Variants in FAM3D observed in about 807,000 individuals in gnomAD.
FAM3D encodes protein FAM3D.
FAM3D carries 26 observed loss-of-function variants against 29.8 expected under a neutral mutation model. That is an observed-to-expected ratio of 0.87 (90% confidence interval 0.64 to 1.21). The LOEUF (loss-of-function observed/expected upper bound fraction) is 1.21. Ranked by LOEUF, FAM3D falls within the 50% of genes most tolerant of loss-of-function variation. The probability of loss-of-function intolerance (pLI) is 0.00; values close to 1 mark genes in which losing one functional copy is unlikely to be tolerated. For missense variants in FAM3D, 253 were observed against 290.9 expected (o/e 0.87, Z 0.95); for synonymous variants, 115 against 102.3 (o/e 1.12, Z -0.75).
intron 7 of FAM3D, among the ~76,000 whole-genome samples, chr3:58,637,954 C>T (rs1428971973): frequency 2.0e-5 from 3 of 151,916 alleles, no homozygotes; most frequent in East Asian, 1.9e-4. Context: ...GCGCGATCTG[C>T]GCTCATTGCA....
chr3:58,659,717 A>C (rs1186598656), intron 1 of FAM3D, among the ~76,000 whole-genome samples: 1 of 152,238 alleles, frequency 6.6e-6, no homozygotes, highest in Non-Finnish European at 1.5e-5. Context: ...GTTGGAAGGA[A>C]GGAAGTGGGT....
At chr3:58,646,077 C>A (rs1369740310) in intron 4 of FAM3D, among the ~76,000 whole-genome samples, 3 of 152,186 alleles carry the variant, frequency 2.0e-5, no homozygotes, top group Non-Finnish European at 4.4e-5. Flanking sequence ...AAATTCTCAA[C>A]CTCCTTGCAC....
chr3:58,652,862 G>GTCCATCCA (rs745543889), intron 3 of FAM3D, among the ~76,000 whole-genome samples: 38,640 of 145,718 alleles, frequency 0.27, 5,617 homozygotes, highest in Middle Eastern at 0.37. Context: ...CCATCCATCT[G>GTCCATCCA]TCCATCCATC....
At chr3:58,665,505 T>G (rs1050046051) in intron 1 of FAM3D, among the ~76,000 whole-genome samples, 1 of 152,200 alleles carries the variant, frequency 6.6e-6, no homozygotes, top group Non-Finnish European at 1.5e-5. Flanking sequence ...GTTTTCCCTT[T>G]CTGGTTAGAA....
intron 1 of FAM3D, among the ~76,000 whole-genome samples, chr3:58,661,052 T>TA (rs1199884785): frequency 6.6e-6 from 1 of 152,230 alleles, no homozygotes; most frequent in Non-Finnish European, 1.5e-5. Flanking sequence ...CTGTTACAAC[T>TA]ACTCAACTCT....
Position 58,653,678 on chromosome 3 carries a change from C to A in FAM3D, c.117G>T (p.Trp39Cys). ...CCAGCAGTGAGCCCCACTCACCCAG[C>A]CAGCGTGGCAGACGGATGGTTTTCA... ...FSMKTIRLPR[W>C]LAASPTKEIQ... The change falls in exon 3 of 10, where the codon TGG becomes TGT. Residue 39 changes from tryptophan (W) to cysteine (C), a missense_variant. Trp to Cys is a radical substitution (Grantham distance 215, BLOSUM62 -2). Transcript: ENST00000358781. 6.2e-7 allele frequency: 1 copy of A among 1,613,566 alleles called. No homozygotes were observed. The highest frequency in any genetic ancestry group is 8.5e-7 in the Non-Finnish European group (1 of 1,179,950).
chr3:58,665,998 A>G (rs528307110), intron 1 of FAM3D, among the ~76,000 whole-genome samples: 2 of 152,336 alleles, frequency 1.3e-5, no homozygotes, highest in African/African-American at 4.8e-5. Flanking sequence ...ATAGCTAGAA[A>G]ATCTCTCAAG....
chr3:58,641,479 GC>G (rs2066333174), intron 6 of FAM3D, among the ~76,000 whole-genome samples: 1 of 151,922 alleles, frequency 6.6e-6, no homozygotes, highest in South Asian at 2.1e-4. Context: ...TCCCACCTCA[GC>G]CTTAGCTGGG....
chr3:58,648,316 G>C (rs1430380713), intron 4 of FAM3D, among the ~76,000 whole-genome samples: 1 of 152,128 alleles, frequency 6.6e-6, no homozygotes, highest in African/African-American at 2.4e-5. Context: ...GTCCTTCTTA[G>C]CCAGGCAAAA....
chr3:58,647,915 C>G (rs189973011), intron 4 of FAM3D, among the ~76,000 whole-genome samples: 124 of 152,334 alleles, frequency 8.1e-4, no homozygotes, highest in Non-Finnish European at 1.1e-3. Flanking sequence ...TTTATCTTTG[C>G]CAGCTGTGAA....
At chr3:58,637,450 G>A (rs2066207288) in intron 7 of FAM3D, among the ~76,000 whole-genome samples, 1 of 152,122 alleles carries the variant, frequency 6.6e-6, no homozygotes, top group Non-Finnish European at 1.5e-5. Context: ...GTGATGTGGG[G>A]TGGCTTCTGG....
At chr3:58,647,548 C>T (rs765269050) in intron 4 of FAM3D, among the ~76,000 whole-genome samples, 24 of 152,228 alleles carry the variant, frequency 1.6e-4, no homozygotes, top group Non-Finnish European at 2.4e-4. Flanking sequence ...TGCCCAGAGC[C>T]TAATCAATTG....
intron 6 of FAM3D, among the ~76,000 whole-genome samples, chr3:58,643,446 T>C (rs773066521): frequency 1.3e-5 from 2 of 152,226 alleles, no homozygotes; most frequent in African/African-American, 2.4e-5. Flanking sequence ...GATAGGAGCA[T>C]GTGGCAGGGG....
rs2066107424 is a variant in FAM3D at position 58,634,544 on chromosome 3, T to C, written c.586-176A>G. The C allele has an allele frequency of 1.7e-6, 1 of 590,016 alleles. No individual in the cohort carries two copies. The highest frequency in any genetic ancestry group is 1.9e-5 in the African/African-American group (1 of 52,262). The allele number at this position is 590,016 out of a possible 1,614,324, so 36.5% of individuals were successfully genotyped here. On this transcript the variant is annotated intron_variant, in intron 9 of 9. Coordinates refer to ENST00000358781, the MANE Select transcript of FAM3D (RefSeq NM_138805.3). This position sits in a 1 kb window ranked among gnomAD's most constrained non-coding sequence, Gnocchi z 4.6. ...TGCAACTTGCTCAAGATCTCAGAGATGGGATCAGAGCCCAGTTAACTGCTC... is the reference window on the plus strand; with the variant it reads ...TGCAACTTGCTCAAGATCTCAGAGACGGGATCAGAGCCCAGTTAACTGCTC...
At chr3:58,656,409 C>T (rs772204403) in intron 1 of FAM3D, among the ~76,000 whole-genome samples, 10 of 152,304 alleles carry the variant, frequency 6.6e-5, no homozygotes, top group East Asian at 5.8e-4. Flanking sequence ...TGTCCTACTG[C>T]GGTCTCACTG....
At chr3:58,657,852 A>C (rs2066854142) in intron 1 of FAM3D, 1 of 152,204 alleles carries the variant, frequency 6.6e-6, no homozygotes, top group Non-Finnish European at 1.5e-5. Flanking sequence ...CCAAACCCAA[A>C]AGAGTGTGTT....
intron 4 of FAM3D, among the ~76,000 whole-genome samples, chr3:58,648,120 C>T (rs1324211507): frequency 6.6e-6 from 1 of 152,192 alleles, no homozygotes; most frequent in East Asian, 1.9e-4. Flanking sequence ...CTTGAATTTG[C>T]TATCCCCCCA....
At chr3:58,637,300 C>T (rs2066202704) in intron 7 of FAM3D, 75 bp from the exon 8 acceptor site, 1 of 1,381,936 alleles carries the variant, frequency 7.2e-7, no homozygotes, top group Non-Finnish European at 1.0e-6. Flanking sequence ...GTCTACTGCC[C>T]CATGATGCAG....
rs759025588 is a variant in FAM3D at position 58,645,675 on chromosome 3, T to C, written c.146-49A>G. The C allele has an allele frequency of 2.0e-6, 3 of 1,534,058 alleles. No homozygotes were observed. In the South Asian group the frequency reaches 3.4e-5, roughly 17 times the overall value. On this transcript the variant is annotated intron_variant, in intron 4 of 9. Transcript: ENST00000358781. ...TGGTGGGCAGAAGCTCAGGAGGTAC[T>C]TGGGGGAGAAGGAGGGGAGGGCCAG... is the stretch of plus-strand genomic sequence containing the variant.
Sources: gnomAD v4.1 joint callset for allele counts (sites outside exome capture counted in the v4.1 genomes callset) on GRCh38, gnomAD v4.1.1 for gene constraint, Gnocchi (gnomAD v3.1) non-coding constraint, MANE v1.5 for transcripts, NCBI Gene and HGNC (gene_info 2026-07-23, HGNC 2026-07-21) for gene names.